The following RAPGEF4 variants were observed in gnomAD, a reference collection of about 807,000 sequenced individuals.
The protein encoded by RAPGEF4 is Rap guanine nucleotide exchange factor 4.
A neutral mutation model predicts 147.9 loss-of-function variants in RAPGEF4; 66 were observed. The ratio of observed to expected loss-of-function variants is 0.45; its 90% CI spans 0.37 to 0.55. The LOEUF is 0.55. RAPGEF4 is among the 20% of genes least tolerant of loss of function. The pLI, the probability that RAPGEF4 is intolerant of heterozygous loss-of-function variation, is 0.00. For synonymous variants in RAPGEF4, 419 were observed against 442.7 expected, an observed-to-expected ratio of 0.95 and a Z score of 0.67; for missense variants, 1,071 against 1,257.3, an observed-to-expected ratio of 0.85 and a Z score of 2.24.
chr2:172,964,401 A>ATTT (rs11374637), intron 8 of RAPGEF4, among the ~76,000 whole-genome samples: 52,364 of 114,912 alleles, frequency 0.46, 12,835 homozygotes, highest in Non-Finnish European at 0.52. Context: ...TGCTCCTCCT[A>ATTT]TTTTTTTTTT....
At chr2:172,964,323 C>T (rs1246550228) in intron 8 of RAPGEF4, among the ~76,000 whole-genome samples, 1 of 151,728 alleles carries the variant, frequency 6.6e-6, no homozygotes, top group African/African-American at 2.4e-5. Flanking sequence ...CCCACAATTC[C>T]TCTGATAGAT....
rs144212293 is a variant in RAPGEF4, at chr2:173,024,130, G to T, written c.2254-2442G>T. Among the ~76,000 whole-genome samples, 10 of 152,322 alleles carry T rather than the reference G, an allele frequency of 6.6e-5. No homozygotes were observed. In the East Asian group the frequency reaches 1.9e-3, roughly 29 times the overall value. The stretch of plus-strand genomic sequence containing the variant: ...GTCCCCTGTGTAGAGTAAATTGGGA[G>T]CAACAGTATTTCGCTCCTACATCCA... On this transcript the variant is annotated intron_variant, in intron 23 of 30. Transcript: ENST00000397081.
At chr2:172,982,999 G>A (rs558473783) in intron 10 of RAPGEF4, among the ~76,000 whole-genome samples, 4 of 152,096 alleles carry the variant, frequency 2.6e-5, no homozygotes, top group South Asian at 2.1e-4. Context: ...TGAGTCCTTC[G>A]GAAAAAATAC....
At chr2:172,893,281 G>A (rs1698129601) in intron 4 of RAPGEF4, among the ~76,000 whole-genome samples, 1 of 152,154 alleles carries the variant, frequency 6.6e-6, no homozygotes, top group Admixed American at 6.5e-5. Context: ...GCAAAGGCAG[G>A]GAGGCACAGA....
chr2:172,818,961 C>A (rs1356010102), intron 4 of RAPGEF4, among the ~76,000 whole-genome samples: 1 of 152,298 alleles, frequency 6.6e-6, no homozygotes, highest in East Asian at 1.9e-4. Context: ...AGGCAACACT[C>A]AGAGTATTTT....
rs1333825775 is a variant in RAPGEF4, at chr2:173,016,374, A to G, written c.1835A>G (p.Asp612Gly). Residue 612 changes from aspartate to glycine, a missense_variant, in exon 19 of 31, where the codon GAT (aspartate) becomes GGT (glycine). Physicochemically the swap from Asp to Gly is moderately conservative, Grantham distance 94. Coordinates refer to ENST00000397081, the MANE Select transcript of RAPGEF4 (RefSeq NM_007023.4). ...GAGTTTTATGTATCTGTATCAGATG[A>G]TGCCCGGATGATTGCTGCCCTCAAG... ...LEEFYVSVSD[D>G]ARMIAALKEQ... 6.2e-7 allele frequency: 1 copy of G among 1,613,742 alleles called. No homozygotes were observed. The highest frequency in any genetic ancestry group is 8.5e-7 in the Non-Finnish European group (1 of 1,179,618).
At chr2:172,945,475 A>G (rs1386226197) in intron 6 of RAPGEF4, among the ~76,000 whole-genome samples, 1 of 152,092 alleles carries the variant, frequency 6.6e-6, no homozygotes, top group African/African-American at 2.4e-5. Flanking sequence ...TACTAAAATT[A>G]TGTTTATTGT....
intron 1 of RAPGEF4, among the ~76,000 whole-genome samples, chr2:172,783,215 G>A (rs755342714): frequency 6.6e-6 from 1 of 152,164 alleles, no homozygotes; most frequent in Non-Finnish European, 1.5e-5. Flanking sequence ...TCATCCATCG[G>A]CCGAGGACAG....
At chr2:172,821,057 A>G (rs1052626241) in intron 4 of RAPGEF4, among the ~76,000 whole-genome samples, 1 of 152,220 alleles carries the variant, frequency 6.6e-6, no homozygotes, top group African/African-American at 2.4e-5. Context: ...ATCTTGCTCT[A>G]ATAGGCTTGA....
chr2:173,020,552 G>A, intron 22 of RAPGEF4, 66 bp from the exon 23 acceptor site: 1 of 1,293,392 alleles, frequency 7.7e-7, no homozygotes, highest in East Asian at 2.3e-5. Context: ...TTGTTGGTGT[G>A]ATTAGGGCAG....
chr2:172,827,411 G>T (rs997538795), intron 4 of RAPGEF4, among the ~76,000 whole-genome samples: 4 of 151,998 alleles, frequency 2.6e-5, no homozygotes, highest in African/African-American at 9.7e-5. Context: ...AGTATTTCAG[G>T]TTCGCTTTCT....
At chr2:172,953,432 A>G (rs1196341180) in intron 6 of RAPGEF4, among the ~76,000 whole-genome samples, 1 of 149,568 alleles carries the variant, frequency 6.7e-6, no homozygotes, top group African/African-American at 2.4e-5. Context: ...TTATATATGT[A>G]ATATATAGTC....
intron 6 of RAPGEF4, among the ~76,000 whole-genome samples, chr2:172,958,199 A>G (rs901574161): frequency 2.0e-5 from 3 of 152,078 alleles, no homozygotes; most frequent in African/African-American, 7.2e-5. Flanking sequence ...ATACCCATCT[A>G]CTCTAGACCA....
intron 6 of RAPGEF4, among the ~76,000 whole-genome samples, chr2:172,926,112 A>G (rs926475035): frequency 6.6e-6 from 1 of 151,940 alleles, no homozygotes; most frequent in Non-Finnish European, 1.5e-5. Context: ...GGAAGGAAGC[A>G]AAACCTTGGA....
At chr2:172,964,297 C>G (rs1689605025) in intron 8 of RAPGEF4, among the ~76,000 whole-genome samples, 1 of 151,904 alleles carries the variant, frequency 6.6e-6, no homozygotes, top group Non-Finnish European at 1.5e-5. Flanking sequence ...TCAGGGTCAA[C>G]CCCAAATCAA....
At chr2:173,030,026 G>A in intron 25 of RAPGEF4, 138 bp from the exon 26 acceptor site, 1 of 585,100 alleles carries the variant, frequency 1.7e-6, no homozygotes, top group Non-Finnish European at 3.0e-6. Context: ...AACTTTTACA[G>A]TACATTAAAT....
intron 6 of RAPGEF4, among the ~76,000 whole-genome samples, chr2:172,938,796 A>G (rs1204472120): frequency 6.6e-6 from 1 of 152,220 alleles, no homozygotes; most frequent in African/African-American, 2.4e-5. Flanking sequence ...CATACAGAAT[A>G]GTTTTACTGC....
At chr2:172,756,284 G>A (rs1695768129) in intron 1 of RAPGEF4, among the ~76,000 whole-genome samples, 1 of 152,178 alleles carries the variant, frequency 6.6e-6, no homozygotes, top group Admixed American at 6.5e-5. Flanking sequence ...AAAATGGAAA[G>A]GTGCCTGTGT....
intron 4 of RAPGEF4, among the ~76,000 whole-genome samples, chr2:172,875,429 G>A (rs564817437): frequency 6.6e-6 from 1 of 152,188 alleles, no homozygotes; most frequent in African/African-American, 2.4e-5. Context: ...TTTGTGTAAG[G>A]TGTAAGGAAG....
Sources: allele counts gnomAD v4.1 joint callset (sites outside exome capture counted in the v4.1 genomes callset), GRCh38; gene constraint gnomAD v4.1.1; transcripts MANE v1.5; gene names NCBI Gene and HGNC (gene_info 2026-07-23, HGNC 2026-07-21).